The following SLC22A24 variants were observed in gnomAD, a reference collection of about 807,000 sequenced individuals.
SLC22A24 encodes steroid transmembrane transporter SLC22A24.
SLC22A24 carries 53 observed loss-of-function variants against 49.8 expected under a neutral mutation model. The observed-to-expected ratio is 1.06, with a 90% CI of 0.85 to 1.34. The LOEUF is 1.34. SLC22A24 is among the 40% of genes most tolerant of loss of function. SLC22A24 has a pLI of 0.00. For missense variants in SLC22A24, 786 were observed against 675.9 expected, an observed-to-expected ratio of 1.16 and a Z score of -1.81; for synonymous variants, 302 against 256.4, an observed-to-expected ratio of 1.18 and a Z score of -1.70.
intron 1 of SLC22A24, among the ~76,000 whole-genome samples, chr11:63,142,035 C>T (rs2087418901): frequency 6.6e-6 from 1 of 151,944 alleles, no homozygotes; most frequent in South Asian, 2.1e-4. Context: ...CCAATCTTTG[C>T]TTTTAAAATT....
chr11:63,132,441 G>A (rs937488414), intron 2 of SLC22A24, among the ~76,000 whole-genome samples: 8 of 152,186 alleles, frequency 5.3e-5, no homozygotes, highest in African/African-American at 1.4e-4. Flanking sequence ...GGTCTTTGAT[G>A]TTGGTGACCT....
chr11:63,094,296 C>G (rs996535784), intron 6 of SLC22A24, among the ~76,000 whole-genome samples: 5 of 151,906 alleles, frequency 3.3e-5, no homozygotes, highest in Non-Finnish European at 7.4e-5. Context: ...CCAGTCCCTA[C>G]AAAGGACATG....
chr11:63,137,159 T>A (rs1283586265), intron 1 of SLC22A24, among the ~76,000 whole-genome samples: 1 of 152,164 alleles, frequency 6.6e-6, no homozygotes, highest in East Asian at 1.9e-4. Context: ...GAGGTCTCGG[T>A]TGGTTCTTTC....
intron 7 of SLC22A24, 35 bp downstream of exon 7, chr11:63,083,208 A>T (rs1305437884): frequency 1.3e-6 from 2 of 1,504,142 alleles, no homozygotes; most frequent in South Asian, 1.2e-5. Flanking sequence ...AATGGGGGTA[A>T]CTACTTTCTT....
chr11:63,105,183 G>T (rs556303667), intron 4 of SLC22A24, among the ~76,000 whole-genome samples: 146 of 152,336 alleles, frequency 9.6e-4, no homozygotes, highest in African/African-American at 3.4e-3. Flanking sequence ...GCTTGGACAG[G>T]GTACAGCCCC....
intron 6 of SLC22A24, among the ~76,000 whole-genome samples, chr11:63,092,673 C>T (rs549595069): frequency 6.7e-6 from 1 of 149,674 alleles, no homozygotes; most frequent in South Asian, 2.2e-4. Flanking sequence ...CTTTCCTACA[C>T]CTTATATAAA....
At chr11:63,103,409 A>G (rs2087102669) in intron 5 of SLC22A24, among the ~76,000 whole-genome samples, 2 of 152,156 alleles carry the variant, frequency 1.3e-5, no homozygotes, top group African/African-American at 2.4e-5. Context: ...TATTATAATG[A>G]TCTCTTAATT....
chr11:63,103,701 C>T (rs1321682677), intron 5 of SLC22A24, among the ~76,000 whole-genome samples: 2 of 152,168 alleles, frequency 1.3e-5, no homozygotes, highest in Non-Finnish European at 2.9e-5. Context: ...ATCTATTTTA[C>T]TGCTGTATCC....
Position 63,088,892 on chromosome 11 carries a change from GA to G in SLC22A24, c.1071-5436del, listed in dbSNP as rs2087002670. 2.6e-5 allele frequency among the ~76,000 whole-genome samples: 4 copies of G among 151,922 alleles called. No homozygotes were observed. In the South Asian group the frequency reaches 8.3e-4, roughly 32 times the overall value. ...AGATTAGAGAAAAAAGAATGAAAAGGAATGAACAAAGCCTCCAAGAAACATG... is the reference window on the plus strand; with the variant it reads ...AGATTAGAGAAAAAAGAATGAAAAGGATGAACAAAGCCTCCAAGAAACATG... On this transcript the variant is annotated intron_variant, in intron 6 of 9. Coordinates refer to ENST00000612278, the MANE Select transcript of SLC22A24 (RefSeq NM_001136506.2).
chr11:63,102,395 A>T (rs1158334586), intron 5 of SLC22A24, among the ~76,000 whole-genome samples: 1 of 152,104 alleles, frequency 6.6e-6, no homozygotes, highest in Non-Finnish European at 1.5e-5. Flanking sequence ...CTCAATAAAA[A>T]AAATACAGCC....
intron 2 of SLC22A24, among the ~76,000 whole-genome samples, chr11:63,126,806 C>A (rs1384192401): frequency 2.6e-5 from 4 of 152,010 alleles, no homozygotes; most frequent in African/African-American, 4.8e-5. Context: ...GAATGTTTTT[C>A]CATTTGTTGG....
At chr11:63,110,182 G>C (rs2087152657) in intron 4 of SLC22A24, among the ~76,000 whole-genome samples, 2 of 150,918 alleles carry the variant, frequency 1.3e-5, no homozygotes, top group Non-Finnish European at 3.0e-5. Context: ...ATTTCTGAGG[G>C]CTCTGTTCTG....
intron 5 of SLC22A24, among the ~76,000 whole-genome samples, chr11:63,098,153 A>G (rs1277791050): frequency 6.6e-6 from 1 of 152,166 alleles, no homozygotes; most frequent in African/African-American, 2.4e-5. Flanking sequence ...TAAAACTAGA[A>G]TTCAGTAACA....
Position 63,096,101 on chromosome 11 carries a change from C to T in SLC22A24, c.960G>A (p.Val320=), listed in dbSNP as rs1256718875. ...NTEETLTTEL[V]RSTMKKELDA... ...CCAACTCCTTCTTCATGGTGGATCTCACAAGCTTCAGCAACAAAAATAACA... is the reference window on the plus strand; with the variant it reads ...CCAACTCCTTCTTCATGGTGGATCTTACAAGCTTCAGCAACAAAAATAACA... The change falls in exon 6 of 10, where the codon GTG becomes GTA. Residue 320 remains valine, a synonymous_variant. Transcript: ENST00000612278. 1 of 1,546,354 alleles carries T rather than the reference C, an allele frequency of 6.5e-7. No homozygotes were observed. The highest frequency in any genetic ancestry group is 8.8e-7 in the Non-Finnish European group (1 of 1,142,386).
intron 1 of SLC22A24, among the ~76,000 whole-genome samples, chr11:63,139,436 G>A (rs1349617154): frequency 6.6e-6 from 1 of 152,146 alleles, no homozygotes; most frequent in Admixed American, 6.5e-5. Flanking sequence ...AAAGAGCTTG[G>A]TGTGTAATAA....
chr11:63,087,271 G>A lies in SLC22A24; in HGVS notation c.1071-3814C>T, dbSNP rs540229586. 3.9e-5 allele frequency among the ~76,000 whole-genome samples: 6 copies of A among 152,274 alleles called. No individual in the cohort carries two copies. The East Asian group carries it at 7.7e-4, about 20-fold the overall frequency. ...CATTGGGACTGGTTAGGCAGTGGCT[G>A]CAACCCACAGAGGGCAGGCAGAAGC... On this transcript the variant is annotated intron_variant, in intron 6 of 9. Transcript: ENST00000612278.
rs1475067109 is a variant in SLC22A24 at position 63,113,197 on chromosome 11, T to TATAC, written c.830+5714_830+5715insGTAT. ...ATATACATATATATATACACATATA[T>TATAC]ATATACATATATATACACATATATA... On this transcript the variant is annotated intron_variant, in intron 4 of 9. Transcript: ENST00000612278. Among the ~76,000 whole-genome samples the TATAC allele has an allele frequency of 9.8e-4, 6 of 6,108 alleles. 2 individuals carry two copies. Among genetic ancestry groups the TATAC allele is most frequent in the African/African-American group, 2.0e-3 (6 of 3,072 alleles). The allele number at this position is 6,108 out of a possible 152,430, so 4.0% of individuals were successfully genotyped here.
intron 4 of SLC22A24, among the ~76,000 whole-genome samples, chr11:63,105,048 C>G (rs2087111966): frequency 6.6e-6 from 1 of 152,234 alleles, no homozygotes; most frequent in South Asian, 2.1e-4. Flanking sequence ...CATGCAAGTT[C>G]AAAATCCAGC....
At position 63,092,040 on chromosome 11, in the gene SLC22A24, C is replaced by T. The variant is rs140555060; in HGVS notation, c.1070+3951G>A. Among the ~76,000 whole-genome samples, 638 of 152,246 alleles carry T rather than the reference C, an allele frequency of 4.2e-3. 6 individuals are homozygous for T. Among genetic ancestry groups the T allele is most frequent in the African/African-American group, 0.015 (622 of 41,544 alleles). Reference sequence around the variant, plus strand: ...CCCCAAAACTCCTTAAGCTGATAAGCAACTTCAGCAAAGTCTCAGGATACA... The same window carrying T: ...CCCCAAAACTCCTTAAGCTGATAAGTAACTTCAGCAAAGTCTCAGGATACA... On this transcript the variant is annotated intron_variant, in intron 6 of 9. Transcript: ENST00000612278.
Sources: allele counts gnomAD v4.1 joint callset (sites outside exome capture counted in the v4.1 genomes callset), GRCh38; gene constraint gnomAD v4.1.1; transcripts MANE v1.5; gene names NCBI Gene and HGNC (gene_info 2026-07-23, HGNC 2026-07-21).